CR1L: variants seen among roughly 807,000 people sequenced by gnomAD.
The protein encoded by CR1L is complement component receptor 1-like protein.
CR1L carries 59 observed loss-of-function variants against 62.3 expected under a neutral mutation model. The observed-to-expected ratio is 0.95, with a 90% CI of 0.77 to 1.18. CR1L has a LOEUF of 1.18. Ranked by LOEUF, CR1L falls within the 50% of genes most tolerant of loss-of-function variation. The pLI is 0.00. For missense variants in CR1L, 700 were observed against 702.8 expected (o/e 1.00, Z 0.04); for synonymous variants, 279 against 248.7 (o/e 1.12, Z -1.15).
At chr1:207,723,421 CA>C (rs370655665) in intron 11 of CR1L, among the ~76,000 whole-genome samples, 196 bp from the exon 12 acceptor site, 5,994 of 71,810 alleles carry the variant, frequency 0.083, 197 homozygotes, top group African/African-American at 0.17. Flanking sequence ...GAGACTTTGT[CA>C]AAAAAAAAAA....
At chr1:207,673,886 T>A (rs1663651014) in intron 1 of CR1L, among the ~76,000 whole-genome samples, 1 of 152,224 alleles carries the variant, frequency 6.6e-6, no homozygotes, top group South Asian at 2.1e-4. Flanking sequence ...ACAGTTTTGT[T>A]TGTAATAGCC....
At chr1:207,706,444 TA>T (rs945041482) in intron 9 of CR1L, among the ~76,000 whole-genome samples, 20 of 151,484 alleles carry the variant, frequency 1.3e-4, no homozygotes, top group Admixed American at 4.6e-4. Flanking sequence ...AGAGAAGACG[TA>T]TGTAAGACAG....
At chr1:207,656,332 T>C (rs1435271661) in intron 1 of CR1L, among the ~76,000 whole-genome samples, 2 of 152,184 alleles carry the variant, frequency 1.3e-5, no homozygotes, top group Non-Finnish European at 2.9e-5. Flanking sequence ...GAATCACCAA[T>C]TTAGAAAATG....
intron 4 of CR1L, among the ~76,000 whole-genome samples, chr1:207,694,000 AT>A (rs1370819048): frequency 1.3e-5 from 2 of 151,970 alleles, no homozygotes; most frequent in East Asian, 1.9e-4. Context: ...TTTATATTTT[AT>A]TTTTCTAAAA....
chr1:207,673,130 A>G (rs1663639010), intron 1 of CR1L, among the ~76,000 whole-genome samples: 1 of 152,230 alleles, frequency 6.6e-6, no homozygotes, highest in African/African-American at 2.4e-5. Flanking sequence ...AAATCTAGAA[A>G]GTATCATGAA....
At chr1:207,703,009 G>A (rs754744036) in intron 9 of CR1L, among the ~76,000 whole-genome samples, 10 of 152,170 alleles carry the variant, frequency 6.6e-5, no homozygotes, top group Admixed American at 2.6e-4. Flanking sequence ...ACTTGAACCC[G>A]GGAAGCAGAA....
chr1:207,698,650 A>T (rs1664145164), intron 7 of CR1L, among the ~76,000 whole-genome samples: 1 of 151,784 alleles, frequency 6.6e-6, no homozygotes, highest in Non-Finnish European at 1.5e-5. Flanking sequence ...TTGCGTACAA[A>T]AATTATGTCC....
intron 7 of CR1L, among the ~76,000 whole-genome samples, chr1:207,698,379 C>T (rs1664140655): frequency 6.6e-6 from 1 of 152,114 alleles, no homozygotes; most frequent in South Asian, 2.1e-4. Context: ...AGTCATATAT[C>T]GTCTGGCTAG....
At chr1:207,686,232 CA>C (rs1447334684) in intron 4 of CR1L, among the ~76,000 whole-genome samples, 1 of 141,234 alleles carries the variant, frequency 7.1e-6, no homozygotes, top group Non-Finnish European at 1.5e-5. Context: ...TCTTCTTTAC[CA>C]CACGGCTAGG....
chr1:207,719,113 T>G (rs1368403057), intron 11 of CR1L, among the ~76,000 whole-genome samples: 3 of 74,928 alleles, frequency 4.0e-5, no homozygotes, highest in African/African-American at 5.5e-5. Flanking sequence ...TGTGGTGGGG[T>G]CGGGGGAGGG....
intron 1 of CR1L, among the ~76,000 whole-genome samples, chr1:207,673,935 A>G (rs1314473811): frequency 1.3e-5 from 2 of 152,220 alleles, no homozygotes; most frequent in Non-Finnish European, 2.9e-5. Flanking sequence ...CAACAAGTGA[A>G]TGGATAAACT....
intron 5 of CR1L, among the ~76,000 whole-genome samples, chr1:207,696,515 C>A (rs1195895711): frequency 2.6e-5 from 4 of 152,184 alleles, no homozygotes; most frequent in African/African-American, 9.6e-5. Context: ...ACCAGCACAG[C>A]ACCTCAATAT....
intron 10 of CR1L, chr1:207,715,191 AAG>A (rs1653965634): frequency 3.3e-6 from 2 of 604,556 alleles, no homozygotes; most frequent in Admixed American, 4.4e-5. Flanking sequence ...ACCTGAACCT[AAG>A]ACCCAAATGA....
chr1:207,700,180 A>G (rs1664169958), intron 8 of CR1L, among the ~76,000 whole-genome samples: 1 of 152,208 alleles, frequency 6.6e-6, no homozygotes, highest in African/African-American at 2.4e-5. Context: ...GAAAACCATG[A>G]AATTTTACTA....
intron 1 of CR1L, among the ~76,000 whole-genome samples, chr1:207,654,501 A>C (rs1663275103): frequency 6.6e-6 from 1 of 152,208 alleles, no homozygotes; most frequent in South Asian, 2.1e-4. Context: ...TTATTACACT[A>C]AGAGTCCAGA....
At chr1:207,687,273 C>T (rs1052002666) in intron 4 of CR1L, among the ~76,000 whole-genome samples, 1 of 152,144 alleles carries the variant, frequency 6.6e-6, no homozygotes, top group African/African-American at 2.4e-5. Context: ...TAAAAGAATT[C>T]ACTGGAAAAG....
At chr1:207,714,873 T>C (rs1239251755) in intron 10 of CR1L, among the ~76,000 whole-genome samples, 1 of 152,150 alleles carries the variant, frequency 6.6e-6, no homozygotes, top group East Asian at 1.9e-4. Context: ...GAACAGATAT[T>C]CCTGGCTTTG....
At chr1:207,694,330 T>C (rs1664037452) in intron 4 of CR1L, 23 bp from the exon 5 acceptor site, 1 of 1,613,166 alleles carries the variant, frequency 6.2e-7, no homozygotes, top group African/African-American at 1.3e-5. Flanking sequence ...TTATTTAAAT[T>C]GACTGTGCTC....
At chr1:207,646,630 G>A (rs1379449067) in intron 1 of CR1L, among the ~76,000 whole-genome samples, 2 of 142,986 alleles carry the variant, frequency 1.4e-5, no homozygotes, top group Admixed American at 7.4e-5. Flanking sequence ...AGGATCGCTT[G>A]AGCCCAGGAG....
Sources: allele counts gnomAD v4.1 joint callset (sites outside exome capture counted in the v4.1 genomes callset), GRCh38; gene constraint gnomAD v4.1.1; transcripts MANE v1.5; gene names NCBI Gene and HGNC (gene_info 2026-07-23, HGNC 2026-07-21).